Variants in SNX19 observed in about 807,000 individuals in gnomAD.
The protein encoded by SNX19 is sorting nexin 19, also known as sorting nexin-19.
In SNX19, 60 loss-of-function variants were observed where a neutral mutation model predicts 85.2. The observed-to-expected ratio is 0.70, with a 90% confidence interval of 0.57 to 0.87. The LOEUF is 0.87. SNX19 is among the 40% of genes least tolerant of loss of function. SNX19 has a pLI of 0.00. For missense variants in SNX19, 1,201 were observed against 1,217.8 expected, an observed-to-expected ratio of 0.99 and a Z score of 0.21; for synonymous variants, 520 against 470.0, an observed-to-expected ratio of 1.11 and a Z score of -1.38.
At position 130,914,819 on chromosome 11, in the gene SNX19, T is replaced by G. The variant is rs1206388103; in HGVS notation, c.1121A>C (p.Glu374Ala). The part of the protein sequence containing the change: ...PLFLCEDSEL[E>A]SPLSELGKET... ...TTTGCCCAGTTCAGACAGCGGAGAC[T>G]CCAGCTCTGAGTCTTCACATAAGAA... Residue 374 changes from glutamate (E) to alanine (A), a missense_variant, in exon 1 of 11, where the codon GAG (glutamate) becomes GCG (alanine). Physicochemically the swap from Glu to Ala is moderately radical, Grantham distance 107. Around this residue, in one of 3 missense-constraint regions of SNX19, gnomAD observed 791 missense variants for 750.9 expected, o/e 1.05. Transcript: ENST00000265909. 3.1e-6 allele frequency: 5 copies of G among 1,614,114 alleles called. No individual in the cohort carries two copies. In the African/African-American group the frequency reaches 5.3e-5, roughly 17 times the overall value.
chr11:130,885,903 C>T (rs975682444), intron 8 of SNX19, among the ~76,000 whole-genome samples: 6 of 152,212 alleles, frequency 3.9e-5, no homozygotes, highest in African/African-American at 1.4e-4. Context: ...GCAGGGTTTT[C>T]AACGTTGGTA....
rs756797666 is a variant in SNX19, at chr11:130,907,982, C to T, written c.2136G>A (p.Lys712=). ...EELSEAETES[K]PQTEGKKASK... is the part of the protein sequence containing the mutation. ...TAGCCTTCTTGCCTTCTGTCTGGGG[C>T]TTGCTTTCGGTCTCGGCCTCACTCA... is the stretch of plus-strand genomic sequence containing the variant. Residue 712 remains lysine (K), a synonymous_variant, in exon 5 of 11, where the codon AAG becomes AAA. Transcript: ENST00000265909. 2 of 1,614,024 alleles carry T rather than the reference C, an allele frequency of 1.2e-6. No individual in the cohort carries two copies. The highest frequency in any genetic ancestry group is 2.2e-5 in the East Asian group (1 of 44,888).
At chr11:130,881,342 T>C (rs1379882251) in intron 8 of SNX19, among the ~76,000 whole-genome samples, 1 of 152,134 alleles carries the variant, frequency 6.6e-6, no homozygotes, top group Non-Finnish European at 1.5e-5. Flanking sequence ...AATCGTGTTA[T>C]TTATGGAGCG....
chr11:130,907,134 A>G (rs763550831), intron 5 of SNX19, among the ~76,000 whole-genome samples: 1 of 152,174 alleles, frequency 6.6e-6, no homozygotes, highest in African/African-American at 2.4e-5. Flanking sequence ...TCCTTTTTGG[A>G]CATCCATTTT....
At chr11:130,889,640 A>C (rs1944360803) in intron 8 of SNX19, among the ~76,000 whole-genome samples, 1 of 152,034 alleles carries the variant, frequency 6.6e-6, no homozygotes, top group Non-Finnish European at 1.5e-5. Flanking sequence ...ACTCTCATCT[A>C]TCTCTGCTTT....
Position 130,874,130 on chromosome 11 carries a change from C to T in SNX19, c.*4292G>A, listed in dbSNP as rs1211951297. On this transcript the variant is annotated 3_prime_UTR_variant, in exon 11 of 11. Coordinates refer to ENST00000265909, the MANE Select transcript of SNX19 (RefSeq NM_014758.3). ...CTCAAATTCCTGGGCTCAAGTGATC[C>T]TCCTGCCTCAGCCTCCCTAGTAGGT... is the stretch of plus-strand genomic sequence containing the variant. 6.6e-6 allele frequency among the ~76,000 whole-genome samples: 1 copy of T among 151,942 alleles called. No homozygotes were observed. The highest frequency in any genetic ancestry group is 1.5e-5 in the Non-Finnish European group (1 of 67,990).
chr11:130,867,410 C>T lies in SNX19; in HGVS notation c.*11012G>A, dbSNP rs1942813465. ...CAACCTAGATGATCAGTGCCACCAC[C>T]ATCCTGGGAAAAGCTAACTGGCGGT... On this transcript the variant is annotated 3_prime_UTR_variant, in exon 11 of 11. Transcript: ENST00000265909. 1 of 152,222 alleles carries T rather than the reference C, an allele frequency of 6.6e-6. No homozygotes were observed. Among genetic ancestry groups the T allele is most frequent in the Admixed American group, 6.5e-5 (1 of 15,284 alleles). 9.4% of individuals were successfully genotyped at this position (152,222 alleles called of 1,614,324 possible).
At chr11:130,905,899 A>G in intron 7 of SNX19, 54 bp downstream of exon 7, 1 of 1,613,866 alleles carries the variant, frequency 6.2e-7, no homozygotes, top group Non-Finnish European at 8.5e-7. Context: ...CCAAGTACCA[A>G]GTGGATGCCA....
intron 8 of SNX19, among the ~76,000 whole-genome samples, chr11:130,890,071 C>A (rs1355735366): frequency 1.3e-5 from 2 of 152,094 alleles, no homozygotes; most frequent in African/African-American, 2.4e-5. Flanking sequence ...TAGTAAGCAA[C>A]AGGATTTTAA....
At chr11:130,882,522 G>T (rs879612308) in intron 8 of SNX19, among the ~76,000 whole-genome samples, 5 of 152,236 alleles carry the variant, frequency 3.3e-5, no homozygotes, top group Admixed American at 6.5e-5. Flanking sequence ...TAATAGCAGG[G>T]CAAGAATGGC....
chr11:130,913,042 A>G (rs1946261220), intron 1 of SNX19, among the ~76,000 whole-genome samples: 1 of 152,208 alleles, frequency 6.6e-6, no homozygotes, highest in South Asian at 2.1e-4. Flanking sequence ...TTGAAGCAGT[A>G]GCAGATGTCA....
chr11:130,915,264 TG>T lies in SNX19; in HGVS notation c.675del (p.Lys226SerfsTer12), dbSNP rs763983527. 6 of 1,614,128 alleles carry T rather than the reference TG, an allele frequency of 3.7e-6. No individual in the cohort carries two copies. Among genetic ancestry groups the T allele is most frequent in the Admixed American group, 1.7e-5 (1 of 60,012 alleles). ...VVNLLLQGLV[P>X]KPHLETRTGR... ...CCGGTACGAGTCTCCAAGTGGGGCT[TG>T]GGCACCAGCCCTTGAAGCAACAAAT... On this transcript the variant is annotated frameshift_variant, in exon 1 of 11. Coordinates refer to ENST00000265909, the MANE Select transcript of SNX19 (RefSeq NM_014758.3). LOFTEE classifies it high-confidence loss of function.
In SNX19 at chr11:130,907,317, CACAGAG is replaced by C. The variant is rs1412403297; in HGVS notation, c.2166-602_2166-597del. Among the ~76,000 whole-genome samples the C allele has an allele frequency of 5.3e-5, 8 of 150,152 alleles. No homozygotes were observed. In the South Asian group the frequency reaches 8.5e-4, roughly 16 times the overall value. On this transcript the variant is annotated intron_variant, in intron 5 of 10. Coordinates refer to ENST00000265909, the MANE Select transcript of SNX19 (RefSeq NM_014758.3). ...TTATTGCTGGCCCATGAAACATAAG[CACAGAG>C]ACAGAGACACACACACATACACACA...
rs772490435 is a variant in SNX19 at position 130,878,526 on chromosome 11, T to C, written c.2875A>G (p.Ile959Val). The C allele has an allele frequency of 1.4e-5, 23 of 1,613,684 alleles. No homozygotes were observed. The Admixed American group carries it at 3.5e-4, about 25-fold the overall frequency. ...RHLIYCLGDI[I>V]LEFLDLSASV... The stretch of plus-strand genomic sequence containing the variant: ...GCACTGAGATCCAAGAATTCCAGGA[T>C]GATGTCCCCAAGGCAGTAAATCAAA... The change falls in exon 11 of 11, where the codon ATC (isoleucine) becomes GTC (valine). Residue 959 changes from isoleucine (I) to valine (V), a missense_variant. Physicochemically the swap from Ile to Val is conservative, Grantham distance 29. This residue lies in a region of SNX19 where 285 missense variants were observed against 295.3 expected (regional missense o/e 0.97). Coordinates refer to ENST00000265909, the MANE Select transcript of SNX19 (RefSeq NM_014758.3).
intron 8 of SNX19, among the ~76,000 whole-genome samples, chr11:130,887,109 C>G (rs1357324999): frequency 2.6e-5 from 4 of 152,248 alleles, no homozygotes; most frequent in Admixed American, 2.0e-4. Flanking sequence ...GAATCATGTA[C>G]TTCAAGGGAA....
rs1943264734 is a variant in SNX19, at chr11:130,876,557, C to A, written c.*1865G>T. The A allele has an allele frequency of 6.6e-6, 1 of 152,312 alleles. No individual in the cohort carries two copies. The highest frequency in any genetic ancestry group is 2.1e-4 in the South Asian group (1 of 4,804). 9.4% of individuals were successfully genotyped at this position (152,312 alleles called of 1,614,324 possible). On this transcript the variant is annotated 3_prime_UTR_variant, in exon 11 of 11. Transcript: ENST00000265909. ...TGTGCCACATTTGAGCCAGAACTGG[C>A]AGCAGATTCAAAGCAACACAGGTGG...
At chr11:130,909,339 AG>A (rs1592365214) in intron 4 of SNX19, among the ~76,000 whole-genome samples, 1 of 152,194 alleles carries the variant, frequency 6.6e-6, no homozygotes, top group African/African-American at 2.4e-5. Context: ...TGTTGCTCCA[AG>A]CCTAGATGAG....
chr11:130,907,878 G>C, intron 5 of SNX19, 75 bp downstream of exon 5: 1 of 1,587,232 alleles, frequency 6.3e-7, no homozygotes, highest in South Asian at 1.2e-5. Context: ...TTGAGAATAG[G>C]GTGAGTGTTG....
Position 130,869,120 on chromosome 11 carries a change from A to G in SNX19, c.*9302T>C, listed in dbSNP as rs1942907833. On this transcript the variant is annotated 3_prime_UTR_variant, in exon 11 of 11. Transcript: ENST00000265909. ...CAAGACAATCTGCCTCCAAGGGATTAACAGCCCAGTAGGGAAGACAGACCA... is the reference window on the plus strand; with the variant it reads ...CAAGACAATCTGCCTCCAAGGGATTGACAGCCCAGTAGGGAAGACAGACCA... The G allele has an allele frequency of 6.6e-6, 1 of 152,262 alleles. No individual in the cohort carries two copies. The highest frequency in any genetic ancestry group is 2.1e-4 in the South Asian group (1 of 4,826). 9.4% of individuals were successfully genotyped at this position (152,262 alleles called of 1,614,324 possible). A position where few individuals can be genotyped will look rare whatever the true frequency, so the allele number is the denominator to read the frequency against.
Sources: gnomAD v4.1 joint callset for allele counts (sites outside exome capture counted in the v4.1 genomes callset) on GRCh38, gnomAD v4.1.1 for gene constraint, gnomAD v4.1.1 regional missense constraint, MANE v1.5 for transcripts, NCBI Gene and HGNC (gene_info 2026-07-23, HGNC 2026-07-21) for gene names.